CBFA2T3: variants seen among roughly 807,000 people sequenced by gnomAD.
The protein encoded by CBFA2T3 is transcriptional corepressor CBFA2T3.
CBFA2T3 carries 31 observed loss-of-function variants against 58.6 expected under a neutral mutation model. The ratio of observed to expected loss-of-function variants is 0.53; its 90% CI spans 0.40 to 0.71. CBFA2T3 has a LOEUF of 0.71. Ranked by LOEUF, CBFA2T3 falls within the 30% of genes least tolerant of loss-of-function variation. CBFA2T3 has a pLI of 0.00. For missense variants in CBFA2T3, 1,076 were observed against 963.1 expected, an observed-to-expected ratio of 1.12 and a Z score of -1.55; for synonymous variants, 531 against 421.9, an observed-to-expected ratio of 1.26 and a Z score of -3.17.
At chr16:88,887,891 G>A (rs573028624) in intron 5 of CBFA2T3, among the ~76,000 whole-genome samples, 4 of 152,208 alleles carry the variant, frequency 2.6e-5, no homozygotes, top group East Asian at 1.9e-4. Context: ...CGGCGGCGGT[G>A]GCTGAGGCAC....
At chr16:88,956,788 G>C (rs755036740) in intron 1 of CBFA2T3, among the ~76,000 whole-genome samples, 2 of 152,222 alleles carry the variant, frequency 1.3e-5, no homozygotes, top group Non-Finnish European at 2.9e-5. Context: ...ACCGAGTTTG[G>C]AACTGGACCG....
rs565793045 is a variant in CBFA2T3 at position 88,916,019 on chromosome 16, CGT to C, written c.152-14365_152-14364del. 5.2e-3 allele frequency among the ~76,000 whole-genome samples: 787 copies of C among 151,886 alleles called. 5 individuals are homozygous for C. The highest frequency in any genetic ancestry group is 0.018 in the African/African-American group (754 of 41,374). ...GTGCCTGTGTGCATGGGTGTGTGTC[CGT>C]GTGTATATGTGTGCACTCGTGTACA... On this transcript the variant is annotated intron_variant, in intron 1 of 11. Coordinates refer to ENST00000268679, the MANE Select transcript of CBFA2T3 (RefSeq NM_005187.6).
chr16:88,972,457 C>T (rs112615485), intron 1 of CBFA2T3, among the ~76,000 whole-genome samples: 151 of 152,308 alleles, frequency 9.9e-4, no homozygotes, highest in African/African-American at 3.2e-3. Flanking sequence ...CAGAGCTCTG[C>T]ACTCTGCCGC....
chr16:88,951,673 C>T (rs1190140228), intron 1 of CBFA2T3: 35 of 347,454 alleles, frequency 1.0e-4, no homozygotes, highest in Admixed American at 1.0e-3. Flanking sequence ...TGCAGGCAGC[C>T]GCGGCCCCAG....
intron 1 of CBFA2T3, among the ~76,000 whole-genome samples, chr16:88,962,767 CAG>C (rs1471867842): frequency 1.3e-5 from 2 of 152,214 alleles, no homozygotes; most frequent in Non-Finnish European, 2.9e-5. Context: ...GGTGGGAAAA[CAG>C]GGGGAGCAAA....
chr16:88,962,038 A>G (rs1323396877), intron 1 of CBFA2T3, among the ~76,000 whole-genome samples: 1 of 150,678 alleles, frequency 6.6e-6, no homozygotes, highest in Non-Finnish European at 1.5e-5. Context: ...GGGCATTCCC[A>G]CTCCATAGTA....
At chr16:88,972,317 C>A (rs765087251) in intron 1 of CBFA2T3, among the ~76,000 whole-genome samples, 1 of 152,166 alleles carries the variant, frequency 6.6e-6, no homozygotes, top group Admixed American at 6.5e-5. Context: ...GCCAGTGGAG[C>A]CTCCGGTGGG....
chr16:88,914,062 A>G (rs994039669), intron 1 of CBFA2T3, among the ~76,000 whole-genome samples: 3 of 152,208 alleles, frequency 2.0e-5, no homozygotes, highest in African/African-American at 4.8e-5. Context: ...ACGGCCATAC[A>G]ATGGAATACA....
At chr16:88,917,588 T>G (rs1174647770) in intron 1 of CBFA2T3, among the ~76,000 whole-genome samples, 9 of 152,296 alleles carry the variant, frequency 5.9e-5, no homozygotes, top group Admixed American at 3.3e-4. Context: ...AATGTGTGAA[T>G]TGGCTGCAAA....
chr16:88,899,831 G>A (rs967101448), intron 2 of CBFA2T3, among the ~76,000 whole-genome samples: 6 of 152,166 alleles, frequency 3.9e-5, no homozygotes, highest in African/African-American at 1.2e-4. Context: ...CGTCCTGAGC[G>A]TTTCCTCCCC....
chr16:88,893,550 G>A (rs1305357984), intron 3 of CBFA2T3, among the ~76,000 whole-genome samples: 1 of 152,230 alleles, frequency 6.6e-6, no homozygotes, highest in Non-Finnish European at 1.5e-5. Context: ...AGGACACACT[G>A]GGTGGGTTCC....
chr16:88,949,373 A>G (rs1971987127), intron 1 of CBFA2T3, among the ~76,000 whole-genome samples: 1 of 152,134 alleles, frequency 6.6e-6, no homozygotes, highest in Admixed American at 6.5e-5. Context: ...AGCCTGGCCA[A>G]CATGGCGAAA....
Position 88,885,157 on chromosome 16 carries a change from G to C in CBFA2T3, c.1006C>G (p.Pro336Ala), listed in dbSNP as rs1258606183. Residue 336 changes from proline to alanine, a missense_variant, in exon 7 of 12, where the codon CCC becomes GCC. Transcript: ENST00000268679. The surrounding 1 kb of genome is among the most constrained non-coding windows in gnomAD (Gnocchi z 5.3). ...RYSPSNGPPQ[P>A]TPPPHYRLED... ...AGGCGGTAGTGCGGCGGCGGTGTGG[G>C]CTGCGGTGGCCCGTTGCTGGGGCTG... 6.2e-7 allele frequency: 1 copy of C among 1,602,036 alleles called. No homozygotes were observed. Among genetic ancestry groups the C allele is most frequent in the South Asian group, 1.1e-5 (1 of 90,590 alleles).
At chr16:88,941,587 G>A (rs1267744910) in intron 1 of CBFA2T3, among the ~76,000 whole-genome samples, 1 of 148,084 alleles carries the variant, frequency 6.8e-6, no homozygotes, top group Non-Finnish European at 1.5e-5. Context: ...AGCAGGGAGA[G>A]GGGAGAGGGG....
At chr16:88,952,478 A>G (rs1425151348) in intron 1 of CBFA2T3, among the ~76,000 whole-genome samples, 2 of 152,038 alleles carry the variant, frequency 1.3e-5, no homozygotes, top group Non-Finnish European at 2.9e-5. Context: ...GCCGCCCTCC[A>G]GTCCTTCTCC....
intron 1 of CBFA2T3, among the ~76,000 whole-genome samples, chr16:88,932,876 G>A (rs191176656): frequency 6.6e-6 from 1 of 150,976 alleles, no homozygotes. Context: ...GGCTGACGCA[G>A]GAGAATCACT....
intron 1 of CBFA2T3, among the ~76,000 whole-genome samples, chr16:88,933,722 G>C (rs1008855881): frequency 7.2e-6 from 1 of 139,294 alleles, no homozygotes; most frequent in Non-Finnish European, 1.6e-5. Flanking sequence ...ACGTCTGCAC[G>C]CCTCTGCACA....
intron 1 of CBFA2T3, among the ~76,000 whole-genome samples, chr16:88,975,055 C>T (rs896821911): frequency 1.5e-5 from 2 of 133,272 alleles, no homozygotes; most frequent in South Asian, 4.5e-4. Flanking sequence ...CACATTGCAG[C>T]CCCTAAGCAG....
At chr16:88,965,683 C>T (rs938698575) in intron 1 of CBFA2T3, among the ~76,000 whole-genome samples, 1 of 152,210 alleles carries the variant, frequency 6.6e-6, no homozygotes, top group Non-Finnish European at 1.5e-5. Context: ...ACGTCTTGTC[C>T]ACAGATACCT....
Sources: allele counts gnomAD v4.1 joint callset (sites outside exome capture counted in the v4.1 genomes callset), GRCh38; gene constraint gnomAD v4.1.1; non-coding constraint Gnocchi (gnomAD v3.1); transcripts MANE v1.5; gene names NCBI Gene and HGNC (gene_info 2026-07-23, HGNC 2026-07-21).